SUGCT: variants seen among roughly 807,000 people sequenced by gnomAD.
SUGCT encodes succinyl-CoA:glutarate-CoA transferase, also known as succinyl-CoA:glutarate CoA-transferase.
In SUGCT, 41 loss-of-function variants were observed where a neutral mutation model predicts 55.0. The ratio of observed to expected loss-of-function variants is 0.74; its 90% CI spans 0.58 to 0.97. SUGCT has a LOEUF of 0.97. Ranked by LOEUF, SUGCT falls within the 50% of genes least tolerant of loss-of-function variation. The pLI is 0.00. For missense variants in SUGCT, 568 were observed against 547.8 expected, an observed-to-expected ratio of 1.04 and a Z score of -0.37; for synonymous variants, 187 against 200.4, an observed-to-expected ratio of 0.93 and a Z score of 0.56.
intron 13 of SUGCT, among the ~76,000 whole-genome samples, chr7:40,777,445 A>G (rs1789514538): frequency 6.6e-6 from 1 of 150,924 alleles, no homozygotes; most frequent in Admixed American, 6.6e-5. Context: ...TTATGTTTCC[A>G]TGGTGGGTTT....
intron 7 of SUGCT, among the ~76,000 whole-genome samples, chr7:40,262,370 G>A (rs1197983421): frequency 1.3e-5 from 2 of 151,764 alleles, no homozygotes; most frequent in Admixed American, 1.3e-4. Flanking sequence ...AGCCATACCG[G>A]CTGGGCGCGG....
At chr7:40,292,561 T>G (rs1793855881) in intron 8 of SUGCT, among the ~76,000 whole-genome samples, 1 of 152,202 alleles carries the variant, frequency 6.6e-6, no homozygotes. Flanking sequence ...CTGTAATTCT[T>G]TTATATCTTT....
chr7:40,830,726 C>T (rs1300551520), intron 13 of SUGCT, among the ~76,000 whole-genome samples: 1 of 152,320 alleles, frequency 6.6e-6, no homozygotes, highest in African/African-American at 2.4e-5. Context: ...TTGACCAGCT[C>T]ATTGCAGCCA....
chr7:40,737,567 G>A (rs1250919401), intron 12 of SUGCT, among the ~76,000 whole-genome samples: 1 of 151,840 alleles, frequency 6.6e-6, no homozygotes, highest in Non-Finnish European at 1.5e-5. Context: ...TTGCCTAAGG[G>A]CATTATGAAA....
chr7:40,291,999 C>A (rs1793812210), intron 8 of SUGCT, among the ~76,000 whole-genome samples: 1 of 152,132 alleles, frequency 6.6e-6, no homozygotes, highest in South Asian at 2.1e-4. Flanking sequence ...AGACTTCTGA[C>A]CTCCAGGATT....
intron 12 of SUGCT, among the ~76,000 whole-genome samples, chr7:40,718,328 C>G (rs1322892347): frequency 6.6e-6 from 1 of 152,140 alleles, no homozygotes; most frequent in Non-Finnish European, 1.5e-5. Context: ...TAAAAATGAA[C>G]AAGTATGCAG....
chr7:40,469,980 A>G (rs1790320783), intron 11 of SUGCT, among the ~76,000 whole-genome samples: 2 of 152,200 alleles, frequency 1.3e-5, no homozygotes, highest in Admixed American at 1.3e-4. Context: ...GATATCATCA[A>G]ATTTAACCCC....
downstream of SUGCT, chr7:40,860,780 CTTACA>C (rs1431759601): frequency 2.6e-5 from 6 of 226,500 alleles, no homozygotes; most frequent in South Asian, 1.2e-4. Flanking sequence ...CCTTATTCTA[CTTACA>C]TTAATGTCCT....
chr7:40,398,339 G>C (rs1230977603), intron 9 of SUGCT, among the ~76,000 whole-genome samples: 1 of 152,046 alleles, frequency 6.6e-6, no homozygotes, highest in Non-Finnish European at 1.5e-5. Flanking sequence ...TGATCCACCT[G>C]CCTGGGCCTC....
At chr7:41,037,243 C>T in the SUGCT span, among the ~76,000 whole-genome samples, 2 of 152,058 alleles carry the variant, frequency 1.3e-5, no homozygotes, top group African/African-American at 4.8e-5. Context: ...CCCTCTGAAG[C>T]CGAATCATTT....
At chr7:40,159,258 C>CAG (rs1167727355) in intron 1 of SUGCT, among the ~76,000 whole-genome samples, 3 of 151,244 alleles carry the variant, frequency 2.0e-5, no homozygotes, top group African/African-American at 7.3e-5. Context: ...ACAGATGTGG[C>CAG]AGAGAGACAA....
intron 12 of SUGCT, among the ~76,000 whole-genome samples, chr7:40,556,845 G>A (rs62451206): frequency 0.013 from 1,991 of 152,248 alleles, 16 homozygotes; most frequent in Non-Finnish European, 0.018. Flanking sequence ...TAAAAATTGC[G>A]TTGAATGACA....
chr7:40,189,107 G>A (rs919428692), intron 4 of SUGCT, among the ~76,000 whole-genome samples: 3 of 152,316 alleles, frequency 2.0e-5, no homozygotes, highest in African/African-American at 7.2e-5. Context: ...ACTTTGGGTG[G>A]CTGAGGCGGG....
chr7:40,253,866 G>A (rs903548739), intron 7 of SUGCT, among the ~76,000 whole-genome samples: 2 of 152,214 alleles, frequency 1.3e-5, no homozygotes, highest in Non-Finnish European at 2.9e-5. Context: ...CAGGGAACCT[G>A]CAAATAAATA....
intron 9 of SUGCT, among the ~76,000 whole-genome samples, chr7:40,342,270 G>T (rs964038579): frequency 6.6e-6 from 1 of 152,166 alleles, no homozygotes; most frequent in African/African-American, 2.4e-5. Context: ...ATACAGGGAC[G>T]AAAGGGGACT....
intron 9 of SUGCT, among the ~76,000 whole-genome samples, chr7:40,334,021 C>T (rs60890957): frequency 8.6e-5 from 13 of 152,002 alleles, no homozygotes; most frequent in African/African-American, 1.7e-4. Flanking sequence ...TTTGTCCTTG[C>T]GATAGTTTGC....
chr7:40,647,833 A>G (rs1387021750), intron 12 of SUGCT, among the ~76,000 whole-genome samples: 1 of 152,100 alleles, frequency 6.6e-6, no homozygotes, highest in Non-Finnish European at 1.5e-5. Flanking sequence ...AAAAAAAAAA[A>G]AAAGTTAGAC....
intron 11 of SUGCT, among the ~76,000 whole-genome samples, chr7:40,477,993 T>C (rs181116173): frequency 9.9e-5 from 15 of 152,220 alleles, no homozygotes; most frequent in African/African-American, 3.6e-4. Context: ...TTTGGGCTTT[T>C]TTTTCCCCCA....
At chr7:40,620,340 C>T (rs1444528017) in intron 12 of SUGCT, among the ~76,000 whole-genome samples, 1 of 152,290 alleles carries the variant, frequency 6.6e-6, no homozygotes, top group Middle Eastern at 3.4e-3. Flanking sequence ...TATTTAGCCT[C>T]ATTTTCTATC....
Sources: allele counts gnomAD v4.1 joint callset (sites outside exome capture counted in the v4.1 genomes callset), GRCh38; gene constraint gnomAD v4.1.1; transcripts MANE v1.5; gene names NCBI Gene and HGNC (gene_info 2026-07-23, HGNC 2026-07-21).